The following VGLL4 variants were observed in gnomAD, a reference collection of about 807,000 sequenced individuals.
The protein encoded by VGLL4 is vestigial like family member 4.
A neutral mutation model predicts 21.0 loss-of-function variants in VGLL4; 7 were observed. That is an observed-to-expected ratio of 0.33 (90% CI 0.19 to 0.63). VGLL4 has a LOEUF of 0.63. Among genes scored for constraint, VGLL4 ranks in the 20% least tolerant of loss-of-function variants. The pLI, the probability that VGLL4 is intolerant of heterozygous loss-of-function variation, is 0.78. For synonymous variants in VGLL4, 222 were observed against 173.2 expected (o/e 1.28, Z -2.21); for missense variants, 394 against 425.7 (o/e 0.93, Z 0.66).
intron 1 of VGLL4, chr3:11,633,391 A>G (rs59693656): frequency 0.036 from 5,471 of 152,580 alleles, 244 homozygotes; most frequent in African/African-American, 0.1. Flanking sequence ...GAGGAGGGCC[A>G]GGAGCGGTGG....
At chr3:11,561,678 CT>C (rs1674117838) in intron 3 of VGLL4, among the ~76,000 whole-genome samples, 1 of 152,148 alleles carries the variant, frequency 6.6e-6, no homozygotes, top group African/African-American at 2.4e-5. Flanking sequence ...CCCCCACACC[CT>C]TATTTTCCAG....
At chr3:11,631,988 G>A (rs933223856) in intron 1 of VGLL4, among the ~76,000 whole-genome samples, 1 of 152,134 alleles carries the variant, frequency 6.6e-6, no homozygotes, top group African/African-American at 2.4e-5. Context: ...AGTATTTTCA[G>A]AACATACAAC....
chr3:11,592,473 TA>T (rs2125247164), intron 2 of VGLL4, among the ~76,000 whole-genome samples: 1 of 152,256 alleles, frequency 6.6e-6, no homozygotes, highest in South Asian at 2.1e-4. Flanking sequence ...GCCGAACTAC[TA>T]ACGTCCCGGG....
intron 1 of VGLL4, among the ~76,000 whole-genome samples, chr3:11,616,291 A>G (rs1174016645): frequency 6.6e-6 from 1 of 152,184 alleles, no homozygotes; most frequent in Non-Finnish European, 1.5e-5. Context: ...GCTCTTCCTC[A>G]GCAAGTAAGT....
chr3:11,635,046 A>G (rs2075560735), intron 1 of VGLL4, among the ~76,000 whole-genome samples: 1 of 152,164 alleles, frequency 6.6e-6, no homozygotes, highest in Admixed American at 6.5e-5. Context: ...TGGCATAAAG[A>G]GACTAAGGTA....
chr3:11,681,167 C>T (rs1310507119), intron 2 of VGLL4, among the ~76,000 whole-genome samples: 4 of 152,156 alleles, frequency 2.6e-5, no homozygotes, highest in South Asian at 2.1e-4. Context: ...GCGCGATCTC[C>T]GCTCACTGCA....
chr3:11,692,700 A>C (rs2076545688), intron 2 of VGLL4, among the ~76,000 whole-genome samples: 1 of 138,926 alleles, frequency 7.2e-6, no homozygotes, highest in Admixed American at 7.3e-5. Flanking sequence ...CCAGCACCAA[A>C]GGAGGAAGGA....
intron 1 of VGLL4, among the ~76,000 whole-genome samples, chr3:11,625,833 G>A (rs754315646): frequency 1.3e-5 from 2 of 151,966 alleles, no homozygotes; most frequent in Non-Finnish European, 2.9e-5. Context: ...TATATGAAAT[G>A]CCCAGAATAA....
At chr3:11,601,107 G>T (rs1451869049) in intron 2 of VGLL4, among the ~76,000 whole-genome samples, 1 of 152,230 alleles carries the variant, frequency 6.6e-6, no homozygotes, top group Admixed American at 6.5e-5. Flanking sequence ...GTGCACGGAA[G>T]CGGGAGGCTT....
At chr3:11,563,830 G>C (rs1432598235) in intron 3 of VGLL4, among the ~76,000 whole-genome samples, 1 of 152,198 alleles carries the variant, frequency 6.6e-6, no homozygotes, top group Non-Finnish European at 1.5e-5. Flanking sequence ...ATGGGCAACT[G>C]TTCTCAGCTT....
rs77468819 is a variant in VGLL4 at position 11,559,138 on chromosome 3, G to A, written c.619+194C>T. ...ATGAGACCCTGGAACTGAGCGAGGC[G>A]GTGTGTTTCTCATGCCCTTCCCACC... On this transcript the variant is annotated intron_variant, in intron 4 of 4. Transcript: ENST00000430365. 6.6e-3 allele frequency among the ~76,000 whole-genome samples: 1,012 copies of A among 152,338 alleles called. 69 individuals are homozygous for A. The East Asian group carries it at 0.14, about 22-fold the overall frequency.
intron 2 of VGLL4, among the ~76,000 whole-genome samples, chr3:11,658,306 C>T (rs2075985753): frequency 3.9e-5 from 6 of 151,966 alleles, no homozygotes; most frequent in Admixed American, 3.9e-4. Context: ...ACTGTCTACT[C>T]CCCAAAGCAA....
At position 11,593,874 on chromosome 3, in the gene VGLL4, G is replaced by C. The variant is rs143696578; in HGVS notation, c.272+7959C>G. Among the ~76,000 whole-genome samples the C allele has an allele frequency of 2.3e-3, 352 of 152,324 alleles. 1 individual carries two copies. Among genetic ancestry groups the C allele is most frequent in the Non-Finnish European group, 3.0e-3 (204 of 68,026 alleles). Reference sequence around the variant, plus strand: ...CACTGGGCCCTTCCTCGTTCATTATGGGTTGCTCAGTGGGTCTGTGGCAAA... The same window carrying C: ...CACTGGGCCCTTCCTCGTTCATTATCGGTTGCTCAGTGGGTCTGTGGCAAA... On this transcript the variant is annotated intron_variant, in intron 2 of 4. Transcript: ENST00000430365.
At chr3:11,617,212 T>C (rs1365418546) in intron 1 of VGLL4, among the ~76,000 whole-genome samples, 1 of 152,106 alleles carries the variant, frequency 6.6e-6, no homozygotes, top group African/African-American at 2.4e-5. Flanking sequence ...GTATGAGCAT[T>C]CCAGGCAGGT....
intron 1 of VGLL4, among the ~76,000 whole-genome samples, chr3:11,618,312 A>G (rs2075203561): frequency 6.6e-6 from 1 of 152,218 alleles, no homozygotes; most frequent in African/African-American, 2.4e-5. Flanking sequence ...AGCTATTATT[A>G]CAAGATGTCT....
intron 1 of VGLL4, among the ~76,000 whole-genome samples, chr3:11,642,365 G>A (rs544339385): frequency 1.1e-3 from 162 of 152,240 alleles, no homozygotes; most frequent in Non-Finnish European, 2.0e-3. Flanking sequence ...GTTTTCAACT[G>A]ATTAGGAAAC....
At chr3:11,572,842 G>A (rs1306589753) in intron 2 of VGLL4, among the ~76,000 whole-genome samples, 2 of 151,984 alleles carry the variant, frequency 1.3e-5, no homozygotes, top group East Asian at 3.9e-4. Flanking sequence ...ATGGACCGGC[G>A]CCTGGGCACT....
At chr3:11,622,483 C>T (rs943085270) in intron 1 of VGLL4, among the ~76,000 whole-genome samples, 2 of 151,882 alleles carry the variant, frequency 1.3e-5, no homozygotes, top group Non-Finnish European at 2.9e-5. Flanking sequence ...AGCCTATTTT[C>T]TTTAAAGCCA....
At chr3:11,573,218 GAA>G (rs2073843759) in intron 2 of VGLL4, among the ~76,000 whole-genome samples, 1 of 144,908 alleles carries the variant, frequency 6.9e-6, no homozygotes, top group African/African-American at 2.6e-5. Flanking sequence ...GAGAGAGAGA[GAA>G]AGACAGACAG....
Sources: gnomAD v4.1 joint callset for allele counts (sites outside exome capture counted in the v4.1 genomes callset) on GRCh38, gnomAD v4.1.1 for gene constraint, MANE v1.5 for transcripts, NCBI Gene and HGNC (gene_info 2026-07-23, HGNC 2026-07-21) for gene names.